SCHIP1: variants seen among roughly 807,000 people sequenced by gnomAD.
SCHIP1 encodes the protein schwannomin interacting protein 1.
In SCHIP1, 8 loss-of-function variants were observed where a neutral mutation model predicts 29.7. The ratio of observed to expected loss-of-function variants is 0.27; its 90% CI spans 0.16 to 0.49. The LOEUF is 0.49. Ranked by LOEUF, SCHIP1 falls within the 20% of genes least tolerant of loss-of-function variation. The pLI is 0.99. For missense variants in SCHIP1, 193 were observed against 294.6 expected (o/e 0.66, Z 2.52); for synonymous variants, 76 against 94.9 (o/e 0.80, Z 1.16).
chr3:159,770,792 G>A, the SCHIP1 span, among the ~76,000 whole-genome samples: 1 of 152,148 alleles, frequency 6.6e-6, no homozygotes, highest in Non-Finnish European at 1.5e-5. Flanking sequence ...CTGGGTGGCT[G>A]CTCCCTCCCT....
chr3:159,459,007 A>T, the SCHIP1 span, among the ~76,000 whole-genome samples: 1 of 152,176 alleles, frequency 6.6e-6, no homozygotes, highest in African/African-American at 2.4e-5. Context: ...TTCTGTAAGT[A>T]TATTATTCTT....
At chr3:159,443,183 G>A in the SCHIP1 span, among the ~76,000 whole-genome samples, 3 of 152,196 alleles carry the variant, frequency 2.0e-5, no homozygotes, top group Non-Finnish European at 4.4e-5. Flanking sequence ...GAAAGAAGAG[G>A]ATGTTGGAAA....
intron 2 of SCHIP1, among the ~76,000 whole-genome samples, chr3:159,878,110 TG>T (rs1484641274): frequency 6.6e-6 from 1 of 152,250 alleles, no homozygotes; most frequent in Non-Finnish European, 1.5e-5. Context: ...CATCAAACAC[TG>T]ATCTGCTCAC....
At chr3:159,480,437 A>G in the SCHIP1 span, among the ~76,000 whole-genome samples, 1 of 152,166 alleles carries the variant, frequency 6.6e-6, no homozygotes, top group Non-Finnish European at 1.5e-5. Flanking sequence ...CTCTGTTTCT[A>G]GGTTGATGTC....
the SCHIP1 span, among the ~76,000 whole-genome samples, chr3:159,575,454 G>A: frequency 1.3e-5 from 2 of 151,158 alleles, no homozygotes; most frequent in Non-Finnish European, 1.5e-5. Context: ...ATCTTTTTTT[G>A]AGATGGGGTC....
At chr3:159,438,716 CACTTAT>C in the SCHIP1 span, among the ~76,000 whole-genome samples, 2 of 152,134 alleles carry the variant, frequency 1.3e-5, no homozygotes, top group Non-Finnish European at 2.9e-5. Flanking sequence ...ATTCAGCTCC[CACTTAT>C]AAGTGTGAAC....
the SCHIP1 span, among the ~76,000 whole-genome samples, chr3:159,506,177 T>C: frequency 6.6e-6 from 1 of 152,232 alleles, no homozygotes; most frequent in African/African-American, 2.4e-5. Flanking sequence ...TGGTGTGAGA[T>C]GGTATCTCAT....
At chr3:159,602,748 C>T in the SCHIP1 span, among the ~76,000 whole-genome samples, 3 of 151,852 alleles carry the variant, frequency 2.0e-5, no homozygotes, top group East Asian at 5.8e-4. Flanking sequence ...AAAACATCAG[C>T]CCAAGGTTTG....
At chr3:159,278,009 C>A in the SCHIP1 span, among the ~76,000 whole-genome samples, 190 of 152,108 alleles carry the variant, frequency 1.2e-3, 2 homozygotes, top group South Asian at 0.01. Context: ...CACTGGATGA[C>A]CCACATAAAA....
chr3:159,753,962 T>G, the SCHIP1 span, among the ~76,000 whole-genome samples: 1 of 152,276 alleles, frequency 6.6e-6, no homozygotes, highest in Non-Finnish European at 1.5e-5. Context: ...AACCACATGC[T>G]CTCTTAGCAT....
At chr3:159,852,706 G>C (rs1404978590) in intron 1 of SCHIP1, among the ~76,000 whole-genome samples, 1 of 152,164 alleles carries the variant, frequency 6.6e-6, no homozygotes, top group African/African-American at 2.4e-5. Context: ...CTCTGTGTTG[G>C]AAGTGAATTT....
the SCHIP1 span, among the ~76,000 whole-genome samples, chr3:159,346,281 T>TA: frequency 0.014 from 1,784 of 125,404 alleles, 45 homozygotes; most frequent in African/African-American, 0.046. Context: ...TTTTTTTTCT[T>TA]AAAAAAAAAA....
chr3:159,626,137 GATATATCTA>G, the SCHIP1 span, among the ~76,000 whole-genome samples: 1 of 85,928 alleles, frequency 1.2e-5, no homozygotes, highest in Admixed American at 1.1e-4. Flanking sequence ...TAGATAGATA[GATATATCTA>G]GATATATATA....
the SCHIP1 span, among the ~76,000 whole-genome samples, chr3:159,755,135 TGAGGCAGGAGAATGGCAAGAACCTGG>T: frequency 2.0e-5 from 3 of 152,126 alleles, no homozygotes; most frequent in East Asian, 5.8e-4. Flanking sequence ...CTCGGGAGGC[TGAGGCAGGAGAATGGCAAGAACCTGG>T]GAGGCGGAGC....
At chr3:159,370,112 A>C in the SCHIP1 span, among the ~76,000 whole-genome samples, 1 of 152,306 alleles carries the variant, frequency 6.6e-6, no homozygotes, top group African/African-American at 2.4e-5. Flanking sequence ...TAAAACCTAA[A>C]TTGAATATGT....
the SCHIP1 span, among the ~76,000 whole-genome samples, chr3:159,418,884 G>T: frequency 1.3e-5 from 2 of 152,198 alleles, no homozygotes; most frequent in African/African-American, 2.4e-5. Flanking sequence ...TGAAAAGAAC[G>T]AAGGCTTTGG....
the SCHIP1 span, among the ~76,000 whole-genome samples, chr3:159,514,276 C>T: frequency 6.6e-6 from 1 of 152,182 alleles, no homozygotes; most frequent in Admixed American, 6.5e-5. Flanking sequence ...TGATGATACA[C>T]TAAAATTCTT....
the SCHIP1 span, among the ~76,000 whole-genome samples, chr3:159,423,294 C>T: frequency 6.6e-6 from 1 of 152,234 alleles, no homozygotes; most frequent in Non-Finnish European, 1.5e-5. Context: ...AAGGAGTTCC[C>T]TTTCCTAGTC....
chr3:159,840,257 G>C, intron 1 of SCHIP1: 1 of 1,487,850 alleles, frequency 6.7e-7, no homozygotes, highest in Non-Finnish European at 9.1e-7. Context: ...TCCTTTGGGA[G>C]AGGAGGCCTT....
Sources: gnomAD v4.1 joint callset for allele counts (sites outside exome capture counted in the v4.1 genomes callset) on GRCh38, gnomAD v4.1.1 for gene constraint, MANE v1.5 for transcripts, NCBI Gene and HGNC (gene_info 2026-07-23, HGNC 2026-07-21) for gene names.